The following GRB10 variants were observed in gnomAD, a reference collection of about 807,000 sequenced individuals.
GRB10 encodes the protein growth factor receptor bound protein 10.
GRB10 carries 20 observed loss-of-function variants against 80.9 expected under a neutral mutation model. That is an observed-to-expected ratio of 0.25 (90% CI 0.17 to 0.36). The LOEUF is 0.36. Among genes scored for constraint, GRB10 ranks in the 10% least tolerant of loss-of-function variants. The pLI is 1.00. For synonymous variants in GRB10, 291 were observed against 291.5 expected (o/e 1.00, Z 0.02); for missense variants, 548 against 747.7 (o/e 0.73, Z 3.12).
chr7:50,701,674 T>C (rs2064252727), intron 5 of GRB10, among the ~76,000 whole-genome samples: 1 of 152,278 alleles, frequency 6.6e-6, no homozygotes, highest in Non-Finnish European at 1.5e-5. Flanking sequence ...GAAAGCTTTA[T>C]TTGGCCTTCC....
intron 8 of GRB10, 58 bp from the exon 9 acceptor site, chr7:50,619,343 T>A (rs897338709): frequency 1.1e-6 from 1 of 945,730 alleles, no homozygotes; most frequent in South Asian, 1.3e-5. Flanking sequence ...ATGGTAGCTT[T>A]ACAACCAAAT....
intron 5 of GRB10, among the ~76,000 whole-genome samples, chr7:50,691,523 T>A (rs948521897): frequency 6.6e-6 from 1 of 152,238 alleles, no homozygotes; most frequent in African/African-American, 2.4e-5. Flanking sequence ...AGGAACCTAC[T>A]ACTATAGCTG....
At chr7:50,663,700 C>T (rs1464146837) in intron 7 of GRB10, among the ~76,000 whole-genome samples, 1 of 152,214 alleles carries the variant, frequency 6.6e-6, no homozygotes, top group Non-Finnish European at 1.5e-5. Flanking sequence ...TTTGTAGCTG[C>T]ATGTGCAGAC....
At chr7:50,748,706 C>T (rs754057431) in intron 3 of GRB10, among the ~76,000 whole-genome samples, 12 of 152,140 alleles carry the variant, frequency 7.9e-5, no homozygotes, top group African/African-American at 2.2e-4. Context: ...GCTGCTGTGG[C>T]GGGGACCGAG....
intron 4 of GRB10, among the ~76,000 whole-genome samples, chr7:50,709,623 C>T (rs2065582944): frequency 6.7e-6 from 1 of 149,718 alleles, no homozygotes; most frequent in Non-Finnish European, 1.5e-5. Flanking sequence ...CTGCCGAGAC[C>T]CTGGCTAACA....
At chr7:50,691,466 G>C (rs2153658614) in intron 5 of GRB10, among the ~76,000 whole-genome samples, 1 of 152,148 alleles carries the variant, frequency 6.6e-6, no homozygotes, top group East Asian at 1.9e-4. Flanking sequence ...TCATAGGATA[G>C]GTAGATTCAA....
intron 7 of GRB10, among the ~76,000 whole-genome samples, chr7:50,664,914 C>T (rs926117228): frequency 6.6e-6 from 1 of 152,238 alleles, no homozygotes; most frequent in Non-Finnish European, 1.5e-5. Context: ...AATTTAATTT[C>T]ACCACCTTTT....
At chr7:50,713,570 T>C (rs1587332235) in intron 4 of GRB10, among the ~76,000 whole-genome samples, 15 of 70,494 alleles carry the variant, frequency 2.1e-4, no homozygotes, top group Non-Finnish European at 3.4e-4. Context: ...TCCTCCACCA[T>C]CTCCATCCTC....
chr7:50,736,037 AGCACTTTGGAGACCAAG>A (rs2070738897), intron 3 of GRB10, among the ~76,000 whole-genome samples: 1 of 151,780 alleles, frequency 6.6e-6, no homozygotes, highest in South Asian at 2.1e-4. Context: ...CTGTAAACCT[AGCACTTTGGAGACCAAG>A]GCGGGCGGAT....
intron 7 of GRB10, among the ~76,000 whole-genome samples, chr7:50,645,218 AAAGC>A (rs1421445210): frequency 1.3e-5 from 2 of 152,232 alleles, no homozygotes; most frequent in African/African-American, 4.8e-5. Flanking sequence ...CATTTTTTAA[AAAGC>A]AAGCTTACAT....
At chr7:50,675,344 G>T (rs981070229) in intron 5 of GRB10, among the ~76,000 whole-genome samples, 1 of 152,198 alleles carries the variant, frequency 6.6e-6, no homozygotes, top group East Asian at 1.9e-4. Context: ...GAGAGAGAGC[G>T]GCGGAAAACG....
intron 4 of GRB10, among the ~76,000 whole-genome samples, chr7:50,731,061 G>T (rs1335861242): frequency 6.6e-6 from 1 of 152,218 alleles, no homozygotes; most frequent in East Asian, 1.9e-4. Context: ...TTAATCAATG[G>T]GGGGAGGCAA....
At chr7:50,677,625 C>T (rs2153645070) in intron 5 of GRB10, among the ~76,000 whole-genome samples, 1 of 152,318 alleles carries the variant, frequency 6.6e-6, no homozygotes, top group South Asian at 2.1e-4. Context: ...CCACTCATCT[C>T]CTACACTCCT....
chr7:50,704,293 T>G (rs970045929), intron 4 of GRB10, among the ~76,000 whole-genome samples: 1 of 152,240 alleles, frequency 6.6e-6, no homozygotes, highest in Non-Finnish European at 1.5e-5. Flanking sequence ...TTCTATTACC[T>G]GGGACAGAAA....
At chr7:50,616,434 G>T in intron 10 of GRB10, 87 bp from the exon 11 acceptor site, 2 of 1,302,510 alleles carry the variant, frequency 1.5e-6, no homozygotes, top group Non-Finnish European at 2.2e-6. Flanking sequence ...GACATTTTCT[G>T]AATTATTAAA....
At chr7:50,604,712 C>T (rs1395947459) in intron 15 of GRB10, among the ~76,000 whole-genome samples, 1 of 152,220 alleles carries the variant, frequency 6.6e-6, no homozygotes, top group Non-Finnish European at 1.5e-5. Flanking sequence ...GTTCTCAAAA[C>T]ACTGGGCACT....
At position 50,592,609 on chromosome 7, in the gene GRB10, A is replaced by T. The variant is rs1477084642; in HGVS notation, c.*343T>A. 1 of 367,782 alleles carries T rather than the reference A, an allele frequency of 2.7e-6. No individual in the cohort carries two copies. The highest frequency in any genetic ancestry group is 5.1e-6 in the Non-Finnish European group (1 of 195,320). The allele number at this position is 367,782 out of a possible 1,614,324, so 22.8% of individuals were successfully genotyped here. ...CATATCAGTTTTAATTGTCAAGATT[A>T]TTCCAGGGCAAGAGTTCATTTCCAA... On this transcript the variant is annotated 3_prime_UTR_variant, in exon 19 of 19. Transcript: ENST00000401949.
At chr7:50,751,947 T>C (rs756798198) in intron 3 of GRB10, among the ~76,000 whole-genome samples, 5 of 152,204 alleles carry the variant, frequency 3.3e-5, no homozygotes, top group Admixed American at 6.5e-5. Context: ...AATCAATATG[T>C]AACCTCTTTT....
intron 9 of GRB10, 137 bp from the exon 10 acceptor site, chr7:50,618,276 T>C (rs1408861086): frequency 8.4e-6 from 6 of 711,312 alleles, no homozygotes; most frequent in Non-Finnish European, 1.5e-5. Context: ...GGCGGTCCTT[T>C]TTATTCTCCT....
Sources: allele counts gnomAD v4.1 joint callset (sites outside exome capture counted in the v4.1 genomes callset), GRCh38; gene constraint gnomAD v4.1.1; transcripts MANE v1.5; gene names NCBI Gene and HGNC (gene_info 2026-07-23, HGNC 2026-07-21).